ARFGEF3: variants seen among roughly 807,000 people sequenced by gnomAD.
The protein encoded by ARFGEF3 is brefeldin A-inhibited guanine nucleotide-exchange protein 3.
ARFGEF3 carries 96 observed loss-of-function variants against 221.7 expected under a neutral mutation model. The ratio of observed to expected loss-of-function variants is 0.43; its 90% CI spans 0.37 to 0.51. The LOEUF (loss-of-function observed/expected upper bound fraction) is 0.51. Among genes scored for constraint, ARFGEF3 ranks in the 20% least tolerant of loss-of-function variants. The pLI is 0.00. For missense variants in ARFGEF3, 2,410 were observed against 2,789.9 expected (o/e 0.86, Z 3.07); for synonymous variants, 1,145 against 1,126.8 (o/e 1.02, Z -0.32).
chr6:138,276,315 G>T (rs923677861), intron 12 of ARFGEF3, among the ~76,000 whole-genome samples: 12 of 152,226 alleles, frequency 7.9e-5, no homozygotes, highest in African/African-American at 2.9e-4. Context: ...TAGATGCAGA[G>T]AAGCTGACTT....
In ARFGEF3 at chr6:138,298,633, T is replaced by C. The variant is rs1455001999; in HGVS notation, c.3676T>C (p.Ser1226Pro). Residue 1226 changes from serine to proline, a missense_variant, in exon 22 of 34, where the codon TCT becomes CCT. Transcript: ENST00000251691. ...TGCTTGCCATAAGGAAAGACATGTGTCTCAGAAGGCTGTTTCCTTCATCCA... is the reference window on the plus strand; with the variant it reads ...TGCTTGCCATAAGGAAAGACATGTGCCTCAGAAGGCTGTTTCCTTCATCCA... The part of the protein sequence containing the change: ...EAACHKERHV[S>P]QKAVSFIHDI... The C allele has an allele frequency of 1.2e-6, 2 of 1,613,256 alleles. No individual in the cohort carries two copies. The highest frequency in any genetic ancestry group is 2.2e-5 in the South Asian group (2 of 90,758).
chr6:138,302,345 A>G (rs959347983), intron 22 of ARFGEF3, among the ~76,000 whole-genome samples: 2 of 152,210 alleles, frequency 1.3e-5, no homozygotes, highest in Non-Finnish European at 2.9e-5. Context: ...AAGAGATGGC[A>G]GAAGAAAGAT....
At chr6:138,239,542 G>C (rs1158069401) in intron 6 of ARFGEF3, among the ~76,000 whole-genome samples, 1 of 151,714 alleles carries the variant, frequency 6.6e-6, no homozygotes, top group Non-Finnish European at 1.5e-5. Flanking sequence ...CCAGCTACTT[G>C]GGAGGCTGAG....
At chr6:138,303,061 T>C (rs1779654305) in intron 22 of ARFGEF3, among the ~76,000 whole-genome samples, 1 of 152,176 alleles carries the variant, frequency 6.6e-6, no homozygotes, top group Non-Finnish European at 1.5e-5. Flanking sequence ...GCTGGATTTA[T>C]TAAACATGAA....
chr6:138,279,699 C>T (rs17067340), intron 13 of ARFGEF3, among the ~76,000 whole-genome samples: 5,361 of 152,286 alleles, frequency 0.035, 305 homozygotes, highest in African/African-American at 0.12. Context: ...GAAGCTCGTA[C>T]GCTATTAAAG....
At chr6:138,295,287 T>C (rs543107846) in intron 20 of ARFGEF3, among the ~76,000 whole-genome samples, 1 of 152,252 alleles carries the variant, frequency 6.6e-6, no homozygotes, top group Non-Finnish European at 1.5e-5. Flanking sequence ...CATTCAATTT[T>C]CTACTCTGTA....
At chr6:138,276,754 C>T (rs1335539114) in intron 12 of ARFGEF3, among the ~76,000 whole-genome samples, 2 of 152,150 alleles carry the variant, frequency 1.3e-5, no homozygotes, top group Non-Finnish European at 2.9e-5. Flanking sequence ...CAGCCTCCGC[C>T]TCCCGGGTTC....
At chr6:138,245,457 G>A (rs1019949942) in intron 7 of ARFGEF3, 56 bp from the exon 8 acceptor site, 2 of 1,207,986 alleles carry the variant, frequency 1.7e-6, no homozygotes, top group East Asian at 2.4e-5. Flanking sequence ...ATGGTTCAGG[G>A]AGCTCGTCGT....
At chr6:138,288,381 T>A (rs1045591825) in intron 17 of ARFGEF3, among the ~76,000 whole-genome samples, 1 of 151,188 alleles carries the variant, frequency 6.6e-6, no homozygotes, top group Non-Finnish European at 1.5e-5. Context: ...TGAGACCCTA[T>A]CTCAAAAAAA....
intron 12 of ARFGEF3, among the ~76,000 whole-genome samples, chr6:138,264,446 G>C (rs1778849845): frequency 6.6e-6 from 1 of 152,154 alleles, no homozygotes. Flanking sequence ...TCAAGTACAA[G>C]GGTCTCTTGA....
intron 12 of ARFGEF3, among the ~76,000 whole-genome samples, chr6:138,268,758 C>T (rs952557337): frequency 5.3e-5 from 8 of 152,196 alleles, no homozygotes; most frequent in African/African-American, 1.9e-4. Flanking sequence ...CTTTGGATTG[C>T]TGTTCCTTAG....
chr6:138,198,782 C>T (rs1379634903), intron 2 of ARFGEF3, among the ~76,000 whole-genome samples: 11 of 152,184 alleles, frequency 7.2e-5, no homozygotes, highest in Non-Finnish European at 1.6e-4. Flanking sequence ...AATTATCACT[C>T]GAAATAAGAA....
At position 138,308,786 on chromosome 6, in the gene ARFGEF3, A is replaced by G; in HGVS notation, c.4021A>G (p.Thr1341Ala). The G allele has an allele frequency of 6.2e-7, 1 of 1,613,986 alleles. No homozygotes were observed. The highest frequency in any genetic ancestry group is 8.5e-7 in the Non-Finnish European group (1 of 1,179,824). ...TGATGTATTTGAAGCTTTTCTCAAT[A>G]CTGACAACATCCAGGTCTTTGCTAA... ...VFDVFEAFLNTDNIQVFANAA... is the reference protein window; with the variant it reads ...VFDVFEAFLNADNIQVFANAA... Residue 1341 changes from threonine (T) to alanine (A), a missense_variant, in exon 24 of 34, where the codon ACT (threonine) becomes GCT (alanine). Around this residue, in one of 5 missense-constraint regions of ARFGEF3, gnomAD observed 723 missense variants for 991.9 expected, o/e 0.73. Coordinates refer to ENST00000251691, the MANE Select transcript of ARFGEF3 (RefSeq NM_020340.5).
chr6:138,176,493 T>C (rs1776950882), intron 2 of ARFGEF3, among the ~76,000 whole-genome samples: 1 of 152,210 alleles, frequency 6.6e-6, no homozygotes, highest in South Asian at 2.1e-4. Context: ...GTTGGATCTT[T>C]TTTAAATCCT....
intron 6 of ARFGEF3, among the ~76,000 whole-genome samples, chr6:138,242,580 G>T (rs1420579796): frequency 1.3e-5 from 2 of 152,184 alleles, no homozygotes; most frequent in Non-Finnish European, 2.9e-5. Context: ...GTTGTTCTCT[G>T]TGCGAAATTA....
chr6:138,269,221 C>T (rs1421548166), intron 12 of ARFGEF3, among the ~76,000 whole-genome samples: 1 of 152,256 alleles, frequency 6.6e-6, no homozygotes, highest in East Asian at 1.9e-4. Flanking sequence ...CTGGGCTCTC[C>T]CTTCTCTGCC....
rs1395581904 is a variant in ARFGEF3 at position 138,192,599 on chromosome 6, TG to T, written c.138-14442del. ...CATCCCTAGGCCTAAGGGCTGGCCA[TG>T]AAGCAGTTAACTGCAGTGATTGTGG... On this transcript the variant is annotated intron_variant, in intron 2 of 33. Transcript: ENST00000251691. Among the ~76,000 whole-genome samples the T allele has an allele frequency of 2.0e-5, 3 of 152,210 alleles. No individual in the cohort carries two copies. The East Asian group carries it at 5.8e-4, about 29-fold the overall frequency.
rs190674781 is a variant in ARFGEF3 at position 138,168,070 on chromosome 6, G to A, written c.86-2592G>A. Among the ~76,000 whole-genome samples, 8 of 152,280 alleles carry A rather than the reference G, an allele frequency of 5.3e-5. No individual in the cohort carries two copies. In the East Asian group the frequency reaches 1.5e-3, roughly 29 times the overall value. The stretch of plus-strand genomic sequence containing the variant: ...TGCTCCCTCTTACTTCATTAATTCA[G>A]CAAATATTTAGTGAGTACCTACTAT... On this transcript the variant is annotated intron_variant, in intron 1 of 33. Transcript: ENST00000251691.
chr6:138,234,891 G>A (rs1198066146), intron 5 of ARFGEF3, among the ~76,000 whole-genome samples: 1 of 152,192 alleles, frequency 6.6e-6, no homozygotes, highest in African/African-American at 2.4e-5. Flanking sequence ...CCATTCAGAT[G>A]GGAAAGAGAA....
Sources: gnomAD v4.1 joint callset for allele counts (sites outside exome capture counted in the v4.1 genomes callset) on GRCh38, gnomAD v4.1.1 for gene constraint, gnomAD v4.1.1 regional missense constraint, MANE v1.5 for transcripts, NCBI Gene and HGNC (gene_info 2026-07-23, HGNC 2026-07-21) for gene names.